Variants in MYH16 observed in about 807,000 individuals in gnomAD.
The protein encoded by MYH16 is putative uncharacterized protein MYH16.
chr7:99,252,461 G>C (rs1791822032), intron 6 of MYH16: 1 of 152,386 alleles, frequency 6.6e-6, no homozygotes, highest in East Asian at 1.9e-4. Flanking sequence ...TTTATTGATG[G>C]CTGTACCATG....
intron 20 of MYH16, among the ~76,000 whole-genome samples, chr7:99,274,998 A>C (rs547750028): frequency 2.0e-4 from 30 of 150,692 alleles, no homozygotes; most frequent in Non-Finnish European, 3.5e-4. Context: ...TTTTGGAAAA[A>C]AAAAATTTTT....
chr7:99,261,897 G>T (rs1463813708), intron 13 of MYH16: 1 of 152,204 alleles, frequency 6.6e-6, no homozygotes, highest in Non-Finnish European at 1.5e-5. Context: ...GACCTGTCTG[G>T]GCCCTTGGTT....
intron 19 of MYH16, among the ~76,000 whole-genome samples, 43 bp from the exon 1 acceptor site, chr7:99,272,796 T>A (rs531033838): frequency 9.9e-5 from 15 of 152,152 alleles, no homozygotes; most frequent in Admixed American, 9.2e-4. Context: ...TTCACTCTAT[T>A]TCTTTGTGGT....
At chr7:99,261,083 A>G (rs2150811517) in intron 12 of MYH16, 1 of 151,926 alleles carries the variant, frequency 6.6e-6, no homozygotes, top group South Asian at 2.1e-4. Context: ...AATAAATTAA[A>G]TTAAAAAAAA....
chr7:99,304,943 T>A (rs1012480594), intron 40 of MYH16, among the ~76,000 whole-genome samples, 187 bp downstream of exon 21: 5 of 151,904 alleles, frequency 3.3e-5, no homozygotes, highest in Admixed American at 2.0e-4. Flanking sequence ...CCTAATACTT[T>A]AGGAGGCCAA....
At chr7:99,289,330 C>A (rs1487692846) in exon 30 of MYH16, 4 of 443,782 alleles carry the variant, frequency 9.0e-6, no homozygotes, top group Non-Finnish European at 1.8e-5. Flanking sequence ...GACAGCTTAT[C>A]AGAAGCCAAC....
At chr7:99,277,826 C>G (rs1433161854) in intron 21 of MYH16, 114 bp downstream of exon 3, 1 of 362,344 alleles carries the variant, frequency 2.8e-6, no homozygotes. Context: ...GGGAAATTCT[C>G]CAGCATACAA....
chr7:99,267,816 C>T (rs887893987), intron 18 of MYH16, among the ~76,000 whole-genome samples: 9 of 152,114 alleles, frequency 5.9e-5, no homozygotes, highest in Non-Finnish European at 1.0e-4. Context: ...AGCCGCCCTG[C>T]CCCCCACAAC....
chr7:99,251,013 T>A (rs774966843), intron 5 of MYH16: 1 of 154,716 alleles, frequency 6.5e-6, no homozygotes, highest in Non-Finnish European at 1.4e-5. Flanking sequence ...GCCACTGTCA[T>A]TTGCAAGCCC....
In MYH16 at chr7:99,279,595, T is replaced by A. The variant is rs1219237313; in HGVS notation, n.2745T>A. Reference sequence around the variant, plus strand: ...GATCTAGAGAGCCAGATCTCAGACATGCGGGAGCGGCTGGAGGAGGAAGAG... The same window carrying A: ...GATCTAGAGAGCCAGATCTCAGACAAGCGGGAGCGGCTGGAGGAGGAAGAG... On this transcript the variant is annotated non_coding_transcript_exon_variant, in exon 22 of 42. Transcript: ENST00000439784. 8.8e-6 allele frequency: 4 copies of A among 456,368 alleles called. No individual in the cohort carries two copies. The East Asian group carries it at 2.8e-4, about 32-fold the overall frequency. 28.3% of individuals were successfully genotyped at this position (456,368 alleles called of 1,614,324 possible).
At chr7:99,280,422 G>C (rs1036116051) in intron 22 of MYH16, among the ~76,000 whole-genome samples, 2 of 152,224 alleles carry the variant, frequency 1.3e-5, no homozygotes, top group Non-Finnish European at 2.9e-5. Context: ...AGCAGTTGCT[G>C]CCCCTCTGAA....
chr7:99,295,599 CA>C (rs1792473380), intron 33 of MYH16, among the ~76,000 whole-genome samples: 1 of 151,968 alleles, frequency 6.6e-6, no homozygotes, highest in Non-Finnish European at 1.5e-5. Flanking sequence ...CGTGAGGAGC[CA>C]CATGCAGCCC....
chr7:99,297,013 C>T, intron 34 of MYH16, 96 bp downstream of exon 15: 2 of 403,750 alleles, frequency 5.0e-6, no homozygotes, highest in Non-Finnish European at 5.0e-6. Flanking sequence ...GAGTACCTGG[C>T]ACATAGTAGG....
At chr7:99,241,008 A>G (rs1486981615) in intron 1 of MYH16, among the ~76,000 whole-genome samples, 1 of 152,192 alleles carries the variant, frequency 6.6e-6, no homozygotes, top group Non-Finnish European at 1.5e-5. Flanking sequence ...TTCAGAGAGG[A>G]GAGTGCTGCA....
At chr7:99,246,113 G>A (rs1791725457) in intron 2 of MYH16, among the ~76,000 whole-genome samples, 1 of 151,472 alleles carries the variant, frequency 6.6e-6, no homozygotes, top group Admixed American at 6.6e-5. Flanking sequence ...TGTTGAGGTG[G>A]AAGAATCGCT....
intron 11 of MYH16, among the ~76,000 whole-genome samples, chr7:99,258,842 A>C (rs1036608059): frequency 9.2e-5 from 14 of 151,884 alleles, no homozygotes; most frequent in African/African-American, 3.4e-4. Flanking sequence ...CCCTTGTATT[A>C]GTCCATTTTC....
Position 99,284,002 on chromosome 7 carries a change from G to A in MYH16, n.3209G>A, listed in dbSNP as rs538249144. ...GATGGAGCGTTCCAAGCTGGATCTC[G>A]AGGAGGTGGTGAAAAAGTATGTCTT... On this transcript the variant is annotated non_coding_transcript_exon_variant, in exon 25 of 42. Transcript: ENST00000439784. The A allele has an allele frequency of 1.7e-4, 76 of 451,852 alleles. No homozygotes were observed. In the East Asian group the frequency reaches 4.4e-3, roughly 26 times the overall value. The allele number at this position is 451,852 out of a possible 1,614,324, so 28.0% of individuals were successfully genotyped here.
intron 28 of MYH16, among the ~76,000 whole-genome samples, chr7:99,287,466 G>A (rs1287898939): frequency 3.3e-5 from 5 of 150,422 alleles, no homozygotes; most frequent in South Asian, 4.2e-4. Context: ...CCCAGGAGGC[G>A]GAGGTTGCAG....
chr7:99,258,481 C>T (rs1316788444), intron 11 of MYH16: 1 of 152,586 alleles, frequency 6.6e-6, no homozygotes, highest in Non-Finnish European at 1.5e-5. Flanking sequence ...ATAAAGTTCT[C>T]TTGTTTCTCA....
Sources: allele counts gnomAD v4.1 joint callset (sites outside exome capture counted in the v4.1 genomes callset), GRCh38; gene constraint gnomAD v4.1.1; transcripts MANE v1.5; gene names NCBI Gene and HGNC (gene_info 2026-07-23, HGNC 2026-07-21).